CTNNA2: variants seen among roughly 807,000 people sequenced by gnomAD.
CTNNA2 encodes catenin alpha 2.
In CTNNA2, 42 loss-of-function variants were observed where a neutral mutation model predicts 101.0. That is an observed-to-expected ratio of 0.42 (90% CI 0.32 to 0.54). The LOEUF is 0.54. CTNNA2 is among the 20% of genes least tolerant of loss of function. The pLI is 0.14. For synonymous variants in CTNNA2, 450 were observed against 456.4 expected (o/e 0.99, Z 0.18); for missense variants, 871 against 1,223.1 (o/e 0.71, Z 4.29).
chr2:79,409,921 T>C (rs1359265059), intron 4 of CTNNA2, among the ~76,000 whole-genome samples: 1 of 152,158 alleles, frequency 6.6e-6, no homozygotes, highest in Non-Finnish European at 1.5e-5. Flanking sequence ...TATTGATTCT[T>C]CCTACCCATG....
intron 7 of CTNNA2, among the ~76,000 whole-genome samples, chr2:80,055,117 C>G (rs1282307950): frequency 1.3e-5 from 2 of 152,082 alleles, no homozygotes; most frequent in Admixed American, 1.3e-4. Context: ...CAACCTCGAA[C>G]TCTGGACTCA....
At chr2:79,855,112 A>G (rs186434804) in intron 3 of CTNNA2, among the ~76,000 whole-genome samples, 1 of 152,302 alleles carries the variant, frequency 6.6e-6, no homozygotes, top group East Asian at 1.9e-4. Flanking sequence ...ATCATCTTCT[A>G]TTTATCTTAG....
intron 7 of CTNNA2, among the ~76,000 whole-genome samples, chr2:80,209,325 C>T (rs867264988): frequency 1.3e-5 from 2 of 151,810 alleles, no homozygotes; most frequent in South Asian, 4.2e-4. Context: ...CCTCAGCCTC[C>T]TGACTACCTG....
intron 3 of CTNNA2, among the ~76,000 whole-genome samples, chr2:79,776,670 A>G (rs181598841): frequency 1.3e-5 from 2 of 152,352 alleles, no homozygotes; most frequent in African/African-American, 4.8e-5. Context: ...AAAAACAATG[A>G]AACAATGGCA....
At chr2:79,982,522 T>C (rs1457111222) in intron 7 of CTNNA2, among the ~76,000 whole-genome samples, 7 of 150,086 alleles carry the variant, frequency 4.7e-5, no homozygotes, top group African/African-American at 1.7e-4. Flanking sequence ...CACACACATA[T>C]ATATATTTTG....
intron 7 of CTNNA2, among the ~76,000 whole-genome samples, chr2:80,256,151 G>A (rs1672123043): frequency 6.6e-6 from 1 of 152,070 alleles, no homozygotes; most frequent in African/African-American, 2.4e-5. Flanking sequence ...TGTCAAAGGA[G>A]GGAATGCAGC....
At chr2:79,484,882 G>C (rs1671142942) in intron 4 of CTNNA2, among the ~76,000 whole-genome samples, 2 of 152,224 alleles carry the variant, frequency 1.3e-5, no homozygotes, top group African/African-American at 4.8e-5. Context: ...CTCCTAATGA[G>C]GACAGAAATT....
chr2:79,239,910 C>T (rs1018545216), intron 2 of CTNNA2, among the ~76,000 whole-genome samples: 6 of 149,634 alleles, frequency 4.0e-5, no homozygotes, highest in South Asian at 2.1e-4. Context: ...TAGAGGAATA[C>T]ATTTAGGCCA....
chr2:80,404,768 G>T (rs1489403239), intron 8 of CTNNA2, among the ~76,000 whole-genome samples: 2 of 152,148 alleles, frequency 1.3e-5, no homozygotes, highest in Non-Finnish European at 2.9e-5. Flanking sequence ...CAGCTTTAAA[G>T]ATGGGAGCTA....
intron 18 of CTNNA2, among the ~76,000 whole-genome samples, chr2:80,635,971 CTTTTT>C (rs60757492): frequency 8.6e-6 from 1 of 115,654 alleles, no homozygotes; most frequent in African/African-American, 3.3e-5. Flanking sequence ...ATGCCCATTG[CTTTTT>C]TTTTTTTTTT....
chr2:80,148,587 G>A (rs1056793081), intron 7 of CTNNA2, among the ~76,000 whole-genome samples: 2 of 152,210 alleles, frequency 1.3e-5, no homozygotes, highest in African/African-American at 4.8e-5. Flanking sequence ...ACCTGTCCCA[G>A]CTGCAGGCCT....
At chr2:79,724,269 GA>G (rs1000665087) in intron 2 of CTNNA2, among the ~76,000 whole-genome samples, 1 of 150,954 alleles carries the variant, frequency 6.6e-6, no homozygotes, top group African/African-American at 2.4e-5. Flanking sequence ...ACACCTTTGG[GA>G]AAAAAACAAT....
chr2:80,280,916 A>G (rs1573586794), intron 7 of CTNNA2, among the ~76,000 whole-genome samples: 1 of 152,056 alleles, frequency 6.6e-6, no homozygotes, highest in Non-Finnish European at 1.5e-5. Flanking sequence ...CTTAGAATAT[A>G]CTCCTGCCAA....
chr2:79,816,773 A>C (rs1227765166), intron 3 of CTNNA2, among the ~76,000 whole-genome samples: 1 of 152,140 alleles, frequency 6.6e-6, no homozygotes, highest in Admixed American at 6.5e-5. Context: ...TAATTTGCTG[A>C]ATTATTTAAT....
At chr2:79,223,395 A>G (rs1674370451) in intron 2 of CTNNA2, among the ~76,000 whole-genome samples, 1 of 152,200 alleles carries the variant, frequency 6.6e-6, no homozygotes, top group Non-Finnish European at 1.5e-5. Context: ...GGGGGGACTC[A>G]GACAGTTCTT....
At chr2:79,396,241 C>A (rs1678228581) in intron 4 of CTNNA2, among the ~76,000 whole-genome samples, 1 of 152,026 alleles carries the variant, frequency 6.6e-6, no homozygotes, top group Non-Finnish European at 1.5e-5. Context: ...TGGCTCACTG[C>A]AACTTCCCCT....
At chr2:79,358,198 T>A (rs1342274009) in intron 3 of CTNNA2, among the ~76,000 whole-genome samples, 1 of 151,854 alleles carries the variant, frequency 6.6e-6, no homozygotes, top group Non-Finnish European at 1.5e-5. Flanking sequence ...GTCTTTTCTT[T>A]TTCTTCTTTT....
At position 80,091,673 on chromosome 2, in the gene CTNNA2, G is replaced by C. The variant is rs376682273; in HGVS notation, c.1056+181876G>C. 4.6e-5 allele frequency among the ~76,000 whole-genome samples: 7 copies of C among 152,182 alleles called. No homozygotes were observed. In the East Asian group the frequency reaches 1.2e-3, roughly 25 times the overall value. ...ATGACATCAGAAGGAAATGCCAGAA[G>C]AGCAAGGTGAGCCTCCCTAGCCTCA... is the stretch of plus-strand genomic sequence containing the variant. On this transcript the variant is annotated intron_variant, in intron 7 of 18. Coordinates refer to ENST00000402739, the MANE Select transcript of CTNNA2 (RefSeq NM_001282597.3).
At chr2:80,315,622 G>T (rs959435510) in intron 7 of CTNNA2, among the ~76,000 whole-genome samples, 1 of 152,172 alleles carries the variant, frequency 6.6e-6, no homozygotes, top group Admixed American at 6.5e-5. Context: ...GTCCCAGTGC[G>T]CAAACACTTT....
Sources: gnomAD v4.1 joint callset for allele counts (sites outside exome capture counted in the v4.1 genomes callset) on GRCh38, gnomAD v4.1.1 for gene constraint, MANE v1.5 for transcripts, NCBI Gene and HGNC (gene_info 2026-07-23, HGNC 2026-07-21) for gene names.